The following HIRIP3 variants were observed in gnomAD, a reference collection of about 807,000 sequenced individuals.
HIRIP3 encodes the protein HIRA interacting protein 3.
In HIRIP3, 40 loss-of-function variants were observed where a neutral mutation model predicts 50.3. The observed-to-expected ratio is 0.79, with a 90% CI of 0.62 to 1.03. The LOEUF (loss-of-function observed/expected upper bound fraction) is 1.03. Ranked by LOEUF, HIRIP3 falls within the 50% of genes least tolerant of loss-of-function variation. The pLI is 0.00. For missense variants in HIRIP3, 765 were observed against 705.4 expected (o/e 1.08, Z -0.96); for synonymous variants, 318 against 261.6 (o/e 1.22, Z -2.08).
chr16:29,993,323 G>T lies in HIRIP3; in HGVS notation c.1555C>A (p.Pro519Thr), dbSNP rs775777715. The T allele has an allele frequency of 6.5e-6, 10 of 1,540,414 alleles. No homozygotes were observed. The highest frequency in any genetic ancestry group is 8.8e-6 in the Non-Finnish European group (10 of 1,141,268). Residue 519 changes from proline to threonine, a missense_variant, in exon 7 of 7, where the codon CCC (proline) becomes ACC (threonine). Transcript: ENST00000279392. ...GTCCGTCGGTACAGCTCCCCTGGGG[G>T]TGCTGCTTCTCCTAAAGGGTTCCAG... ...TAWNPLGEAAPPGELYRRTLD... is the reference protein window; with the variant it reads ...TAWNPLGEAATPGELYRRTLD...
Position 29,995,114 on chromosome 16 carries a change from T to G in HIRIP3, c.290A>C (p.Asn97Thr), listed in dbSNP as rs772425545. 4.0e-5 allele frequency: 65 copies of G among 1,614,068 alleles called. No individual in the cohort carries two copies. In the South Asian group the frequency reaches 7.1e-4, roughly 18 times the overall value. ...SDPERKRFRF[N>T]SESESGSEAS... is the part of the protein sequence containing the mutation. ...GAGGAAGCACTAACCCGACTCTGAA[T>G]TGAAGCGGAACCTTTTTCTCTCCGG... The change falls in exon 3 of 7, where the codon AAT (asparagine) becomes ACT (threonine). Residue 97 changes from asparagine (N) to threonine (T), a missense_variant. Asn to Thr is a moderately conservative substitution (Grantham distance 65, BLOSUM62 0). Coordinates refer to ENST00000279392, the MANE Select transcript of HIRIP3 (RefSeq NM_003609.5).
upstream of HIRIP3, chr16:29,995,618 G>A: frequency 6.2e-7 from 1 of 1,611,844 alleles, no homozygotes; most frequent in Non-Finnish European, 8.5e-7. Flanking sequence ...TGCTCAACCC[G>A]GGATTGACGG....
chr16:29,994,006 C>G lies in HIRIP3; in HGVS notation c.1139G>C (p.Gly380Ala), dbSNP rs753207374. The stretch of plus-strand genomic sequence containing the variant: ...CTTGGAAGAGCGGTTCTTCCTCTCC[C>G]CCTGGGGGCCTCCCCCTGCCTCGCT... Reference protein sequence around the residue: ...SDSEAGGGPQGERKNRSSKKS... With the variant: ...SDSEAGGGPQAERKNRSSKKS... Residue 380 changes from glycine to alanine, a missense_variant, in exon 4 of 7, where the codon GGG becomes GCG. By Grantham distance (60) the Gly-to-Ala change is moderately conservative (BLOSUM62 0). Transcript: ENST00000279392. The G allele has an allele frequency of 2.5e-6, 4 of 1,599,010 alleles. No homozygotes were observed. Among genetic ancestry groups the G allele is most frequent in the Non-Finnish European group, 2.6e-6 (3 of 1,172,374 alleles).
chr16:29,993,095 G>T lies in HIRIP3; in HGVS notation c.*112C>A. 1 of 926,974 alleles carries T rather than the reference G, an allele frequency of 1.1e-6. No homozygotes were observed. The highest frequency in any genetic ancestry group is 1.5e-6 in the Non-Finnish European group (1 of 649,484). 57.4% of individuals were successfully genotyped at this position (926,974 alleles called of 1,614,324 possible). A position where few individuals can be genotyped will look rare whatever the true frequency, so the allele number is the denominator to read the frequency against. The stretch of plus-strand genomic sequence containing the variant: ...TAGCATCCCAACAGCTTGTGTCCTT[G>T]GGAGCTGCAGTCTTCTCTGAAGGAA... On this transcript the variant is annotated 3_prime_UTR_variant, in exon 7 of 7. Transcript: ENST00000279392.
Position 29,994,412 on chromosome 16 carries a change from C to T in HIRIP3, c.733G>A (p.Glu245Lys), listed in dbSNP as rs2070038576. Residue 245 changes from glutamate to lysine, a missense_variant, in exon 4 of 7, where the codon GAG becomes AAG. Physicochemically the swap from Glu to Lys is moderately conservative, Grantham distance 56. Transcript: ENST00000279392. Reference sequence around the variant, plus strand: ...TCCTCATCCTCTTCTTTCTCTTCCTCCTCCACTTCCTCCTCTCTCTGCTCT... The same window carrying T: ...TCCTCATCCTCTTCTTTCTCTTCCTTCTCCACTTCCTCCTCTCTCTGCTCT... ...KKEQREEEVE[E>K]EEKEEDEEKG... 1.9e-6 allele frequency: 3 copies of T among 1,613,796 alleles called. No homozygotes were observed. The highest frequency in any genetic ancestry group is 2.5e-6 in the Non-Finnish European group (3 of 1,179,792).
rs1414065599 is a variant in HIRIP3 at position 29,993,959 on chromosome 16, T to C, written c.1186A>G (p.Thr396Ala). 6.4e-7 allele frequency: 1 copy of C among 1,560,482 alleles called. No homozygotes were observed. The highest frequency in any genetic ancestry group is 1.4e-5 in the African/African-American group (1 of 73,162). Residue 396 changes from threonine to alanine, a missense_variant, in exon 4 of 7, where the codon ACA becomes GCA. Physicochemically the swap from Thr to Ala is moderately conservative, Grantham distance 58. Transcript: ENST00000279392. ...SSKKSSRKGR[T>A]RSSSSSSDGS... ...TCTGAGGAGGAAGAGGAGCTTCGTG[T>C]CCTGCCTTTCCTGGAGCTCTTCTTG... is the stretch of plus-strand genomic sequence containing the variant.
Position 29,994,716 on chromosome 16 carries a change from A to C in HIRIP3, c.429T>G (p.Ser143Arg). Residue 143 changes from serine (S) to arginine (R), a missense_variant, in exon 4 of 7, where the codon AGT becomes AGG. Transcript: ENST00000279392. ...GCAGGTCCCTCTGCCGTTCCTCATC[A>C]CTGCTCTCCTCAACTGCCTTTGAGG... is the stretch of plus-strand genomic sequence containing the variant. ...RRASKAVEES[S>R]DEERQRDLPA... 2 of 1,613,750 alleles carry C rather than the reference A, an allele frequency of 1.2e-6. No individual in the cohort carries two copies. Among genetic ancestry groups the C allele is most frequent in the Non-Finnish European group, 8.5e-7 (1 of 1,179,908 alleles).
rs1367980602 is a variant in HIRIP3 at position 29,995,376 on chromosome 16, C to T, written c.153G>A (p.Lys51=). Residue 51 remains lysine (K), a synonymous_variant, in exon 2 of 7, where the codon AAG becomes AAA. Coordinates refer to ENST00000279392, the MANE Select transcript of HIRIP3 (RefSeq NM_003609.5). The stretch of plus-strand genomic sequence containing the variant: ...TCAGCAGCTCCTCCTCCACCAGCCG[C>T]TTCAGTGCCTGCTTCTCCTCGGGCT... ...HLEPEEKQAL[K]RLVEEELLKM... The T allele has an allele frequency of 6.2e-7, 1 of 1,613,154 alleles. No homozygotes were observed. Among genetic ancestry groups the T allele is most frequent in the Non-Finnish European group, 8.5e-7 (1 of 1,179,752 alleles).
At chr16:29,995,274 T>C in intron 2 of HIRIP3, 57 bp from the exon 3 acceptor site, 2 of 1,612,530 alleles carry the variant, frequency 1.2e-6, no homozygotes, top group East Asian at 2.2e-5. Flanking sequence ...CCGCGCCCCG[T>C]CAGGCCCCTC....
In HIRIP3 at chr16:29,995,341, A is replaced by T; in HGVS notation, c.186+2T>A. The T allele has an allele frequency of 1.2e-6, 2 of 1,610,050 alleles. No homozygotes were observed. Among genetic ancestry groups the T allele is most frequent in the South Asian group, 2.2e-5 (2 of 90,786 alleles). ...CGCGGCCCAGGCTCCGGCCCGGCAC[A>T]CCTGCATCTTCAGCAGCTCCTCCTC... On this transcript the variant is annotated splice_donor_variant, in intron 2 of 6. Transcript: ENST00000279392. LOFTEE classifies it high-confidence loss of function.
At chr16:29,995,939 G>A (rs556692775), upstream of HIRIP3, 7 of 567,066 alleles carry the variant, frequency 1.2e-5, no homozygotes, top group Admixed American at 1.9e-4. Flanking sequence ...CTAGGCTGCT[G>A]TTATTTCGCA....
In HIRIP3 at chr16:29,992,845, G is replaced by GT. The variant is rs1472670361; in HGVS notation, c.*361dup. On this transcript the variant is annotated 3_prime_UTR_variant, in exon 7 of 7. Coordinates refer to ENST00000279392, the MANE Select transcript of HIRIP3 (RefSeq NM_003609.5). The stretch of plus-strand genomic sequence containing the variant: ...CCTTCTCCAAAAGGGTCTGGTGGCT[G>GT]TTGGATGACAGGGTCTGGAGGCAGG... 3.3e-5 allele frequency: 6 copies of GT among 181,366 alleles called. No individual in the cohort carries two copies. Among genetic ancestry groups the GT allele is most frequent in the Non-Finnish European group, 6.8e-5 (6 of 87,678 alleles). 11.2% of individuals were successfully genotyped at this position (181,366 alleles called of 1,614,324 possible).
rs1208652352 is a variant in HIRIP3, at chr16:29,994,566, C to A, written c.579G>T (p.Arg193Ser). The A allele has an allele frequency of 6.2e-7, 1 of 1,614,064 alleles. No individual in the cohort carries two copies. Among genetic ancestry groups the A allele is most frequent in the Admixed American group, 1.7e-5 (1 of 59,996 alleles). ...CTGCCTCGCTCTCCTCACTTTCTTC[C>A]CTGGCCTGCTTCCTACTGACTGAGG... ...GKASVSRKQAREESEESEAEP... is the reference protein window; with the variant it reads ...GKASVSRKQASEESEESEAEP... Residue 193 changes from arginine (R) to serine (S), a missense_variant, in exon 4 of 7, where the codon AGG becomes AGT. Transcript: ENST00000279392.
rs754375860 is a variant in HIRIP3 at position 29,993,821 on chromosome 16, G to C, written c.1240-13C>G. 5 of 1,613,768 alleles carry C rather than the reference G, an allele frequency of 3.1e-6. No homozygotes were observed. Among genetic ancestry groups the C allele is most frequent in the South Asian group, 1.1e-5 (1 of 91,068 alleles). ...GACCTGAGCCAGCCTAGCAAGGAAA[G>C]AGCAGCTGAAGGCCAAGCCTGCTGG... is the stretch of plus-strand genomic sequence containing the variant. On this transcript the variant is annotated splice_polypyrimidine_tract_variant and intron_variant, in intron 4 of 6. Coordinates refer to ENST00000279392, the MANE Select transcript of HIRIP3 (RefSeq NM_003609.5).
In HIRIP3 at chr16:29,995,139, G is replaced by A; in HGVS notation, c.265C>T (p.Pro89Ser). Residue 89 changes from proline (P) to serine (S), a missense_variant, in exon 3 of 7, where the codon CCG becomes TCG. Physicochemically the swap from Pro to Ser is moderately conservative, Grantham distance 74. Transcript: ENST00000279392. ...GKRPPTPCSD[P>S]ERKRFRFNSE... ...TTGAAGCGGAACCTTTTTCTCTCCG[G>A]GTCGCTACAAGGGGTGGGAGGCCTC... The A allele has an allele frequency of 6.2e-7, 1 of 1,614,192 alleles. No individual in the cohort carries two copies. Among genetic ancestry groups the A allele is most frequent in the Non-Finnish European group, 8.5e-7 (1 of 1,180,016 alleles).
rs773062940 is a variant in HIRIP3 at position 29,995,561 on chromosome 16, G to T, written c.45C>A (p.Phe15Leu). The T allele has an allele frequency of 6.2e-7, 1 of 1,612,858 alleles. No homozygotes were observed. The highest frequency in any genetic ancestry group is 1.3e-5 in the African/African-American group (1 of 75,012). The change falls in exon 1 of 7, where the codon TTC becomes TTA. Residue 15 changes from phenylalanine to leucine, a missense_variant. Phe to Leu is a conservative substitution (Grantham distance 22). Coordinates refer to ENST00000279392, the MANE Select transcript of HIRIP3 (RefSeq NM_003609.5). Reference protein sequence around the residue: ...KEMQEFTRSFFRGRPDLSTLT... With the variant: ...KEMQEFTRSFLRGRPDLSTLT... ...GGCACCTGAGGTCCGGGCGGCCTCGGAAGAAGCTACGGGTGAACTCCTGCA... is the reference window on the plus strand; with the variant it reads ...GGCACCTGAGGTCCGGGCGGCCTCGTAAGAAGCTACGGGTGAACTCCTGCA...
At position 29,993,722 on chromosome 16, in the gene HIRIP3, G is replaced by A. The variant is rs910690040; in HGVS notation, c.1326C>T (p.Tyr442=). The change falls in exon 5 of 7, where the codon TAC becomes TAT. Residue 442 remains tyrosine, a synonymous_variant. Coordinates refer to ENST00000279392, the MANE Select transcript of HIRIP3 (RefSeq NM_003609.5). Reference sequence around the variant, plus strand: ...AGCAACAGGAGCCCAACAGCTTCTTGTAGTTTCGATGGGCACCACAGGCCC... The same window carrying A: ...AGCAACAGGAGCCCAACAGCTTCTTATAGTTTCGATGGGCACCACAGGCCC... ...YIRACGAHRN[Y]KKLLGSCCSH... The A allele has an allele frequency of 4.3e-6, 7 of 1,609,222 alleles. No individual in the cohort carries two copies. The highest frequency in any genetic ancestry group is 1.3e-5 in the African/African-American group (1 of 74,936).
At chr16:29,993,616 C>T in intron 5 of HIRIP3, 24 bp downstream of exon 5, 1 of 1,611,124 alleles carries the variant, frequency 6.2e-7, no homozygotes, top group Non-Finnish European at 8.5e-7. Context: ...TCTCCTGCAG[C>T]CCCCAGGGCA....
In HIRIP3 at chr16:29,994,662, C is replaced by G; in HGVS notation, c.483G>C (p.Glu161Asp). ...LPAQRGEESS[E>D]EEEKGYKGKT... is the part of the protein sequence containing the mutation. ...TCCCCTTGTACCCCTTTTCCTCCTC[C>G]TCACTGCTCTCCTCTCCCCTCTGTG... The change falls in exon 4 of 7, where the codon GAG (glutamate) becomes GAC (aspartate). Residue 161 changes from glutamate to aspartate, a missense_variant. Physicochemically the swap from Glu to Asp is conservative, Grantham distance 45 (BLOSUM62 2). Coordinates refer to ENST00000279392, the MANE Select transcript of HIRIP3 (RefSeq NM_003609.5). The G allele has an allele frequency of 6.2e-7, 1 of 1,614,150 alleles. No homozygotes were observed. The highest frequency in any genetic ancestry group is 1.1e-5 in the South Asian group (1 of 91,084).
Sources: gnomAD v4.1 joint callset for allele counts on GRCh38, gnomAD v4.1.1 for gene constraint, MANE v1.5 for transcripts, NCBI Gene and HGNC (gene_info 2026-07-23, HGNC 2026-07-21) for gene names.